The following CALB2 variants were observed in gnomAD, a reference collection of about 807,000 sequenced individuals.
The protein encoded by CALB2 is calbindin 2, also known as calretinin.
In CALB2, 34 loss-of-function variants were observed where a neutral mutation model predicts 45.9. The observed-to-expected ratio is 0.74, with a 90% CI of 0.56 to 0.99. CALB2 has a LOEUF of 0.99. Among genes scored for constraint, CALB2 ranks in the 50% least tolerant of loss-of-function variants. The pLI, the probability that CALB2 is intolerant of heterozygous loss-of-function variation, is 0.00. For synonymous variants in CALB2, 142 were observed against 129.6 expected, an observed-to-expected ratio of 1.10 and a Z score of -0.65; for missense variants, 344 against 339.3, an observed-to-expected ratio of 1.01 and a Z score of -0.11.
At chr16:71,389,629 C>T in intron 10 of CALB2, 120 bp from the exon 11 acceptor site, 1 of 794,352 alleles carries the variant, frequency 1.3e-6, no homozygotes, top group Non-Finnish European at 2.2e-6. Flanking sequence ...ATCTAAGCCA[C>T]TTATCCTGGG....
intron 4 of CALB2, among the ~76,000 whole-genome samples, chr16:71,379,199 CCAGG>C (rs1285551503): frequency 6.6e-6 from 1 of 152,024 alleles, no homozygotes; most frequent in Non-Finnish European, 1.5e-5. Context: ...ATCGCTTGAA[CCAGG>C]CAGGCAGAGG....
intron 10 of CALB2, among the ~76,000 whole-genome samples, chr16:71,388,346 A>G (rs527882812): frequency 5.6e-4 from 77 of 137,140 alleles, no homozygotes; most frequent in African/African-American, 1.7e-3. Context: ...AAAAAAAAAA[A>G]AAAAAGAAAA....
intron 7 of CALB2, 84 bp from the exon 8 acceptor site, chr16:71,384,255 G>T (rs1217816132): frequency 8.5e-7 from 1 of 1,175,130 alleles, no homozygotes; most frequent in Non-Finnish European, 1.3e-6. Context: ...TTCTGTAACT[G>T]CAGGCACCGC....
In CALB2 at chr16:71,372,227, A is replaced by G; in HGVS notation, c.169A>G (p.Met57Val). The G allele has an allele frequency of 1.2e-6, 2 of 1,611,996 alleles. No individual in the cohort carries two copies. The highest frequency in any genetic ancestry group is 1.7e-6 in the Non-Finnish European group (2 of 1,178,374). Reference protein sequence around the residue: ...ELEKARKGSGMMSKSDNFGEK... With the variant: ...ELEKARKGSGVMSKSDNFGEK... ...GGAGAAGGCAAGGAAAGGCTCTGGC[A>G]TGGTAAGCCCAGCCCTGTCTCCGAT... is the stretch of plus-strand genomic sequence containing the variant. Residue 57 changes from methionine (M) to valine (V), a missense_variant and splice_region_variant, in exon 2 of 11, where the codon ATG (methionine) becomes GTG (valine). Met to Val is a conservative substitution (Grantham distance 21). Coordinates refer to ENST00000302628, the MANE Select transcript of CALB2 (RefSeq NM_001740.5).
At chr16:71,389,365 G>T (rs1421699851) in intron 10 of CALB2, among the ~76,000 whole-genome samples, 1 of 152,134 alleles carries the variant, frequency 6.6e-6, no homozygotes, top group African/African-American at 2.4e-5. Flanking sequence ...ATATATACAA[G>T]TCATACATAG....
chr16:71,371,027 G>T (rs1361375778), intron 1 of CALB2, among the ~76,000 whole-genome samples: 1 of 152,186 alleles, frequency 6.6e-6, no homozygotes, highest in Non-Finnish European at 1.5e-5. Context: ...TTAGGCACGG[G>T]TTCTGGTAAT....
In CALB2 at chr16:71,382,894, C is replaced by A. The variant is rs184824013; in HGVS notation, c.399+119C>A. The A allele has an allele frequency of 5.6e-5, 47 of 839,120 alleles. No individual in the cohort carries two copies. In the East Asian group the frequency reaches 1.1e-3, roughly 21 times the overall value. The allele number at this position is 839,120 out of a possible 1,614,324, so 52.0% of individuals were successfully genotyped here. A position where few individuals can be genotyped will look rare whatever the true frequency, so the allele number is the denominator to read the frequency against. ...TGCGGGCTGCTTAGGAATACTCAGACCTGGCACTGAATTGTTGGACTTGTT... is the reference window on the plus strand; with the variant it reads ...TGCGGGCTGCTTAGGAATACTCAGAACTGGCACTGAATTGTTGGACTTGTT... On this transcript the variant is annotated intron_variant, in intron 5 of 10. Coordinates refer to ENST00000302628, the MANE Select transcript of CALB2 (RefSeq NM_001740.5).
At position 71,372,076 on chromosome 16, in the gene CALB2, G is replaced by C. The variant is rs538693731; in HGVS notation, c.95-77G>C. 13 of 1,003,292 alleles carry C rather than the reference G, an allele frequency of 1.3e-5. No individual in the cohort carries two copies. The African/African-American group carries it at 1.9e-4, about 15-fold the overall frequency. The allele number at this position is 1,003,292 out of a possible 1,614,324, so 62.1% of individuals were successfully genotyped here. Reference sequence around the variant, plus strand: ...CCAGCTGGGAGAAGACATTCTCCACGAAGCCCCCGACATGCCCACCCCGTG... The same window carrying C: ...CCAGCTGGGAGAAGACATTCTCCACCAAGCCCCCGACATGCCCACCCCGTG... On this transcript the variant is annotated intron_variant, in intron 1 of 10. Coordinates refer to ENST00000302628, the MANE Select transcript of CALB2 (RefSeq NM_001740.5).
At chr16:71,375,928 C>G (rs2042406782) in intron 3 of CALB2, among the ~76,000 whole-genome samples, 1 of 152,192 alleles carries the variant, frequency 6.6e-6, no homozygotes, top group Non-Finnish European at 1.5e-5. Context: ...CGGGGCAGCT[C>G]TGGTCTGGCT....
intron 10 of CALB2, among the ~76,000 whole-genome samples, chr16:71,387,247 T>TC (rs2042580799): frequency 6.6e-6 from 1 of 152,180 alleles, no homozygotes; most frequent in Non-Finnish European, 1.5e-5. Context: ...ACAGCTTGAC[T>TC]CCAAGTATGG....
intron 1 of CALB2, among the ~76,000 whole-genome samples, chr16:71,360,610 T>G (rs1219727366): frequency 1.3e-5 from 2 of 152,224 alleles, no homozygotes; most frequent in African/African-American, 4.8e-5. Context: ...ACTGGCTTCC[T>G]GGTAGATGAG....
chr16:71,388,346 A>AAAAAAAG (rs1555527413), intron 10 of CALB2, among the ~76,000 whole-genome samples: 41 of 137,140 alleles, frequency 3.0e-4, no homozygotes, highest in African/African-American at 1.1e-3. Flanking sequence ...AAAAAAAAAA[A>AAAAAAAG]AAAAAGAAAA....
intron 10 of CALB2, among the ~76,000 whole-genome samples, chr16:71,389,172 A>T (rs1292509571): frequency 1.3e-5 from 2 of 150,970 alleles, no homozygotes; most frequent in African/African-American, 2.4e-5. Flanking sequence ...TAGGCCACAG[A>T]GCAAGACTCC....
At chr16:71,365,173 A>G (rs983610539) in intron 1 of CALB2, among the ~76,000 whole-genome samples, 1 of 152,144 alleles carries the variant, frequency 6.6e-6, no homozygotes, top group African/African-American at 2.4e-5. Context: ...GCCTTCGATA[A>G]ATCTGAACTC....
At chr16:71,385,046 A>G (rs1287890428) in intron 9 of CALB2, among the ~76,000 whole-genome samples, 2 of 152,170 alleles carry the variant, frequency 1.3e-5, no homozygotes, top group Non-Finnish European at 2.9e-5. Flanking sequence ...TGCAGAGTGC[A>G]GCCGAGAATC....
intron 8 of CALB2, 147 bp downstream of exon 8, chr16:71,384,525 C>A: frequency 1.5e-6 from 1 of 687,954 alleles, no homozygotes; most frequent in Non-Finnish European, 2.6e-6. Context: ...ACACAACACA[C>A]ACAGATCACA....
chr16:71,364,542 C>T (rs1208762408), intron 1 of CALB2, among the ~76,000 whole-genome samples: 1 of 152,228 alleles, frequency 6.6e-6, no homozygotes, highest in Admixed American at 6.5e-5. Flanking sequence ...CATCTGGGGC[C>T]TCTGGCTTCA....
intron 10 of CALB2, among the ~76,000 whole-genome samples, chr16:71,386,555 C>T (rs1376062509): frequency 6.6e-6 from 1 of 152,190 alleles, no homozygotes; most frequent in African/African-American, 2.4e-5. Context: ...CCCTGGGAGA[C>T]CCTCCCATGG....
At chr16:71,363,499 G>A (rs74826021) in intron 1 of CALB2, among the ~76,000 whole-genome samples, 18 of 152,348 alleles carry the variant, frequency 1.2e-4, no homozygotes, top group African/African-American at 4.1e-4. Flanking sequence ...CCTGGCAGAA[G>A]TCTTCTCCAA....
Sources: gnomAD v4.1 joint callset for allele counts (sites outside exome capture counted in the v4.1 genomes callset) on GRCh38, gnomAD v4.1.1 for gene constraint, MANE v1.5 for transcripts, NCBI Gene and HGNC (gene_info 2026-07-23, HGNC 2026-07-21) for gene names.